Variants in CEP128 observed in about 807,000 individuals in gnomAD.
CEP128 encodes centrosomal protein 128, also known as centrosomal protein 128kDa.
CEP128 carries 132 observed loss-of-function variants against 156.7 expected under a neutral mutation model. The observed-to-expected ratio is 0.84, with a 90% CI of 0.73 to 0.97. The LOEUF (loss-of-function observed/expected upper bound fraction) is 0.97, where lower values mean the gene tolerates loss of function less well. Among genes scored for constraint, CEP128 ranks in the 50% least tolerant of loss-of-function variants. CEP128 has a pLI of 0.00. For missense variants in CEP128, 1,252 were observed against 1,281.9 expected (o/e 0.98, Z 0.36); for synonymous variants, 469 against 448.9 (o/e 1.04, Z -0.57).
At chr14:80,841,753 C>T (rs1433441450) in intron 9 of CEP128, among the ~76,000 whole-genome samples, 1 of 151,954 alleles carries the variant, frequency 6.6e-6, no homozygotes, top group Non-Finnish European at 1.5e-5. Flanking sequence ...TAGATTCTGG[C>T]TGCCTGCCTC....
chr14:80,624,466 G>A (rs1219092837), intron 19 of CEP128, among the ~76,000 whole-genome samples: 2 of 152,050 alleles, frequency 1.3e-5, no homozygotes, highest in African/African-American at 2.4e-5. Context: ...TTGATTGTAA[G>A]GTAGTTCAAT....
In CEP128 at chr14:80,934,791, C is replaced by T. The variant is rs184338531; in HGVS notation, c.-16+4594G>A. Among the ~76,000 whole-genome samples, 189 of 152,120 alleles carry T rather than the reference C, an allele frequency of 1.2e-3. 2 individuals carry two copies. The highest frequency in any genetic ancestry group is 4.3e-3 in the African/African-American group (179 of 41,536). ...AAATAGGAGACCCCATAACTGGAAA[C>T]ATATATAAACCAAGACAAAAAAGAA... On this transcript the variant is annotated intron_variant, in intron 2 of 24. Transcript: ENST00000555265.
chr14:80,871,374 A>C (rs1888020474), intron 8 of CEP128, among the ~76,000 whole-genome samples: 1 of 152,098 alleles, frequency 6.6e-6, no homozygotes, highest in South Asian at 2.1e-4. Flanking sequence ...TATTAGAAGT[A>C]GATGGAATTG....
At chr14:80,726,956 T>G (rs1289421578) in intron 19 of CEP128, among the ~76,000 whole-genome samples, 3 of 152,182 alleles carry the variant, frequency 2.0e-5, no homozygotes, top group Non-Finnish European at 4.4e-5. Context: ...AAAACTGATC[T>G]GAGAAAAGAT....
chr14:80,648,853 AG>A (rs550979275), intron 19 of CEP128, among the ~76,000 whole-genome samples: 8 of 152,234 alleles, frequency 5.3e-5, no homozygotes, highest in African/African-American at 1.9e-4. Context: ...TGGGGAAAAA[AG>A]GTAACACCTA....
At chr14:80,513,023 T>C (rs1255181968) in intron 23 of CEP128, among the ~76,000 whole-genome samples, 1 of 152,138 alleles carries the variant, frequency 6.6e-6, no homozygotes, top group Non-Finnish European at 1.5e-5. Flanking sequence ...AATTGCAGTG[T>C]TATAATGTTC....
chr14:80,926,471 C>T (rs1000970166), intron 2 of CEP128, among the ~76,000 whole-genome samples: 4 of 152,162 alleles, frequency 2.6e-5, no homozygotes, highest in African/African-American at 9.7e-5. Context: ...GGGAACTGCC[C>T]TCTAATCCCC....
At chr14:80,547,840 C>T (rs546282069) in intron 21 of CEP128, among the ~76,000 whole-genome samples, 1 of 150,442 alleles carries the variant, frequency 6.6e-6, no homozygotes, top group Non-Finnish European at 1.5e-5. Flanking sequence ...CTCTTTTTGC[C>T]CAAGCTGGAG....
intron 19 of CEP128, among the ~76,000 whole-genome samples, chr14:80,653,514 T>C (rs8008167): frequency 0.57 from 87,173 of 151,972 alleles, 25,370 homozygotes; most frequent in Admixed American, 0.6. Context: ...AGATTTTCTA[T>C]ACAGGCATAT....
intron 9 of CEP128, among the ~76,000 whole-genome samples, chr14:80,843,429 TAAAC>T (rs1886439128): frequency 6.6e-6 from 1 of 152,098 alleles, no homozygotes; most frequent in Non-Finnish European, 1.5e-5. Context: ...CATTCACTGA[TAAAC>T]TAACAACACT....
At chr14:80,543,093 C>G (rs968358643) in intron 21 of CEP128, among the ~76,000 whole-genome samples, 1 of 152,194 alleles carries the variant, frequency 6.6e-6, no homozygotes, top group Non-Finnish European at 1.5e-5. Flanking sequence ...CAGATCAGAT[C>G]TAAACAGAAA....
At chr14:80,563,316 A>G (rs1254169032) in intron 20 of CEP128, among the ~76,000 whole-genome samples, 1 of 152,144 alleles carries the variant, frequency 6.6e-6, no homozygotes, top group Non-Finnish European at 1.5e-5. Context: ...GACCACTCCC[A>G]GGAAGTAATG....
At chr14:80,777,807 G>A (rs1219213028) in intron 16 of CEP128, 75 bp downstream of exon 16, 2 of 1,144,994 alleles carry the variant, frequency 1.7e-6, no homozygotes, top group African/African-American at 1.6e-5. Flanking sequence ...ATCATTTGTT[G>A]ATATATAAAA....
At chr14:80,715,164 A>T (rs1897558407) in intron 19 of CEP128, among the ~76,000 whole-genome samples, 1 of 152,130 alleles carries the variant, frequency 6.6e-6, no homozygotes, top group Non-Finnish European at 1.5e-5. Context: ...TCAAGGCTGC[A>T]GTGAGCTGTG....
intron 19 of CEP128, among the ~76,000 whole-genome samples, chr14:80,628,764 T>G (rs1465513051): frequency 6.6e-6 from 1 of 152,158 alleles, no homozygotes; most frequent in Non-Finnish European, 1.5e-5. Context: ...AGCCCTGGAC[T>G]TTCACCGGAG....
At chr14:80,891,826 A>T (rs533378850) in intron 8 of CEP128, among the ~76,000 whole-genome samples, 1 of 152,102 alleles carries the variant, frequency 6.6e-6, no homozygotes, top group Admixed American at 6.6e-5. Flanking sequence ...ATGTTTTAAA[A>T]ATTAAAAAAC....
intron 16 of CEP128, among the ~76,000 whole-genome samples, chr14:80,765,942 A>T (rs1338690712): frequency 6.6e-6 from 1 of 152,216 alleles, no homozygotes; most frequent in African/African-American, 2.4e-5. Context: ...AATTCAGAAA[A>T]GTTTTCAGCA....
chr14:80,922,956 T>C (rs1442412347), intron 2 of CEP128, among the ~76,000 whole-genome samples: 2 of 152,212 alleles, frequency 1.3e-5, no homozygotes, highest in African/African-American at 4.8e-5. Flanking sequence ...CACCTGCTGG[T>C]GCAACAAAAT....
chr14:80,799,287 TA>T (rs1883684508), intron 13 of CEP128, among the ~76,000 whole-genome samples: 1 of 152,334 alleles, frequency 6.6e-6, no homozygotes, highest in Admixed American at 6.5e-5. Context: ...AATAGTACTT[TA>T]ATAATTTCTT....
Sources: gnomAD v4.1 joint callset for allele counts (sites outside exome capture counted in the v4.1 genomes callset) on GRCh38, gnomAD v4.1.1 for gene constraint, MANE v1.5 for transcripts, NCBI Gene and HGNC (gene_info 2026-07-23, HGNC 2026-07-21) for gene names.